BATF2: variants seen among roughly 807,000 people sequenced by gnomAD.
BATF2 encodes basic leucine zipper transcriptional factor ATF-like 2.
Under a neutral mutation model 7.3 loss-of-function variants are expected in BATF2, and 4 were observed. The ratio of observed to expected loss-of-function variants is 0.55; its 90% CI spans 0.27 to 1.26. The LOEUF (loss-of-function observed/expected upper bound fraction) is 1.26, where lower values mean the gene tolerates loss of function less well. Ranked by LOEUF, BATF2 falls within the 50% of genes most tolerant of loss-of-function variation. BATF2 has a pLI of 0.11. For missense variants in BATF2, 295 were observed against 340.5 expected (o/e 0.87, Z 1.05); for synonymous variants, 152 against 153.9 (o/e 0.99, Z 0.09).
chr11:64,990,014 G>A (rs1212052255), intron 2 of BATF2: 5 of 1,534,360 alleles, frequency 3.3e-6, no homozygotes, highest in South Asian at 1.2e-5. Context: ...CTCTGAAGGG[G>A]GCTCAGATCC....
intron 1 of BATF2, among the ~76,000 whole-genome samples, chr11:64,996,150 G>A (rs914736764): frequency 3.9e-5 from 6 of 152,012 alleles, no homozygotes; most frequent in South Asian, 2.1e-4. Flanking sequence ...TAATAGAGAC[G>A]GGGTTTCACC....
At chr11:64,994,891 G>C (rs113216878) in intron 1 of BATF2, among the ~76,000 whole-genome samples, 5,322 of 152,130 alleles carry the variant, frequency 0.035, 136 homozygotes, top group Middle Eastern at 0.061. Flanking sequence ...TGTTGCCCAG[G>C]CTGGAGTAGT....
rs770754201 is a variant in BATF2, at chr11:64,994,468, T to C, written c.121A>G (p.Lys41Glu). 2.0e-5 allele frequency: 32 copies of C among 1,593,748 alleles called. No homozygotes were observed. The highest frequency in any genetic ancestry group is 2.6e-5 in the Non-Finnish European group (31 of 1,170,106). Reference protein sequence around the residue: ...AQRSRQKHTDKADALHQQHES... With the variant: ...AQRSRQKHTDEADALHQQHES... ...CACACCTGGTGCAGGGCGTCTGCCT[T>C]GTCTGTGTGCTTCTGCCGGCTTCGC... Residue 41 changes from lysine (K) to glutamate (E), a missense_variant, in exon 2 of 3, where the codon AAG becomes GAG. By Grantham distance (56) the Lys-to-Glu change is moderately conservative (BLOSUM62 1). Coordinates refer to ENST00000301887, the MANE Select transcript of BATF2 (RefSeq NM_138456.4).
rs978185164 is a variant in BATF2, at chr11:64,988,394, G to A, written c.*735C>T. 5.9e-5 allele frequency: 9 copies of A among 152,290 alleles called. No individual in the cohort carries two copies. The highest frequency in any genetic ancestry group is 2.2e-4 in the African/African-American group (9 of 41,418). The allele number at this position is 152,290 out of a possible 1,614,324, so 9.4% of individuals were successfully genotyped here. On this transcript the variant is annotated 3_prime_UTR_variant, in exon 3 of 3. Transcript: ENST00000301887. ...CTTCTGCTGTGGCTTTAGGGGCAGT[G>A]GGGAGGCAGGGAGCTATTTGGGAAC... is the stretch of plus-strand genomic sequence containing the variant.
In BATF2 at chr11:64,988,951, T is replaced by A. The variant is rs1946046137; in HGVS notation, c.*178A>T. The A allele has an allele frequency of 1.6e-6, 1 of 625,788 alleles. No homozygotes were observed. Among genetic ancestry groups the A allele is most frequent in the East Asian group, 2.8e-5 (1 of 35,932 alleles). The allele number at this position is 625,788 out of a possible 1,614,324, so 38.8% of individuals were successfully genotyped here. A position where few individuals can be genotyped will look rare whatever the true frequency, so the allele number is the denominator to read the frequency against. On this transcript the variant is annotated 3_prime_UTR_variant, in exon 3 of 3. Coordinates refer to ENST00000301887, the MANE Select transcript of BATF2 (RefSeq NM_138456.4). The stretch of plus-strand genomic sequence containing the variant: ...CTGTGAGGTTGAAATAAGATATTGG[T>A]GGTGACAGGGCCTGTCACAGTGGGA...
Position 64,989,133 on chromosome 11 carries a change from A to G in BATF2, c.821T>C (p.Phe274Ser). ...FPLLSSAQVHF is the reference protein window; with the variant it reads ...FPLLSSAQVHS ...AACCCAGCTCCGAAGACCAGGTTAGAAGTGGACTTGAGCAGAGGAGAGCAG... is the reference window on the plus strand; with the variant it reads ...AACCCAGCTCCGAAGACCAGGTTAGGAGTGGACTTGAGCAGAGGAGAGCAG... The change falls in exon 3 of 3, where the codon TTC becomes TCC. Residue 274 changes from phenylalanine to serine, a missense_variant. Physicochemically the swap from Phe to Ser is radical, Grantham distance 155. Coordinates refer to ENST00000301887, the MANE Select transcript of BATF2 (RefSeq NM_138456.4). The surrounding 1 kb of genome is among the most constrained non-coding windows in gnomAD (Gnocchi z 4.3). 1 of 1,614,130 alleles carries G rather than the reference A, an allele frequency of 6.2e-7. No individual in the cohort carries two copies. The highest frequency in any genetic ancestry group is 8.5e-7 in the Non-Finnish European group (1 of 1,180,016).
At chr11:64,990,733 A>C in intron 2 of BATF2, 1 of 638,486 alleles carries the variant, frequency 1.6e-6, no homozygotes, top group Non-Finnish European at 1.9e-6. Flanking sequence ...TTTTCTGGAC[A>C]CTTTGAAAGA....
At position 64,988,446 on chromosome 11, in the gene BATF2, C is replaced by A. The variant is rs1315060433; in HGVS notation, c.*683G>T. The A allele has an allele frequency of 6.6e-6, 1 of 152,276 alleles. No individual in the cohort carries two copies. Among genetic ancestry groups the A allele is most frequent in the African/African-American group, 2.4e-5 (1 of 41,432 alleles). 9.4% of individuals were successfully genotyped at this position (152,276 alleles called of 1,614,324 possible). On this transcript the variant is annotated 3_prime_UTR_variant, in exon 3 of 3. Transcript: ENST00000301887. Reference sequence around the variant, plus strand: ...GCCTGGAAAGCTGACCCTGCAGAATCTCCCAGAAGCCTTGGTGTGGCTATG... The same window carrying A: ...GCCTGGAAAGCTGACCCTGCAGAATATCCCAGAAGCCTTGGTGTGGCTATG...
chr11:64,990,918 G>A (rs909203865), intron 2 of BATF2, among the ~76,000 whole-genome samples: 1 of 151,638 alleles, frequency 6.6e-6, no homozygotes, highest in Non-Finnish European at 1.5e-5. Flanking sequence ...AGCCTCCTGA[G>A]TAGCTGGGAC....
At chr11:64,996,446 G>A (rs1182197578) in intron 1 of BATF2, among the ~76,000 whole-genome samples, 2 of 152,056 alleles carry the variant, frequency 1.3e-5, no homozygotes, top group Non-Finnish European at 2.9e-5. Flanking sequence ...TAGTAGAGAC[G>A]GGGTTTCGCC....
chr11:64,990,075 T>C, intron 2 of BATF2: 1 of 1,536,266 alleles, frequency 6.5e-7, no homozygotes, highest in East Asian at 2.4e-5. Flanking sequence ...ATTTCTCACC[T>C]GGGATATGCA....
At position 64,988,728 on chromosome 11, in the gene BATF2, A is replaced by T. The variant is rs977667189; in HGVS notation, c.*401T>A. 1 of 246,110 alleles carries T rather than the reference A, an allele frequency of 4.1e-6. No individual in the cohort carries two copies. The highest frequency in any genetic ancestry group is 8.1e-6 in the Non-Finnish European group (1 of 123,776). The allele number at this position is 246,110 out of a possible 1,614,324, so 15.2% of individuals were successfully genotyped here. ...AGCCCTTCTCTGCTCTGAGCATGCA[A>T]ACCTTCTCACACCAGCCCACGGTTT... On this transcript the variant is annotated 3_prime_UTR_variant, in exon 3 of 3. Transcript: ENST00000301887.
chr11:64,990,380 C>A (rs1235061402), intron 2 of BATF2: 4 of 1,420,746 alleles, frequency 2.8e-6, no homozygotes, highest in Non-Finnish European at 2.8e-6. Flanking sequence ...CAAATCCCAA[C>A]AGGGCCTTCC....
Position 64,989,487 on chromosome 11 carries a change from A to G in BATF2, c.467T>C (p.Leu156Pro). 6.2e-7 allele frequency: 1 copy of G among 1,609,620 alleles called. No homozygotes were observed. ...PSLLQCPLPS[L>P]SLGPAVVAEP... ...AGCAACCACAGCGGGGCCAAGGGAC[A>G]GTGAGGGCAGGGGGCACTGGAGGAG... The change falls in exon 3 of 3, where the codon CTG (leucine) becomes CCG (proline). Residue 156 changes from leucine to proline, a missense_variant. Physicochemically the swap from Leu to Pro is moderately conservative, Grantham distance 98. Coordinates refer to ENST00000301887, the MANE Select transcript of BATF2 (RefSeq NM_138456.4). This position sits in a 1 kb window ranked among gnomAD's most constrained non-coding sequence, Gnocchi z 4.3.
chr11:64,996,727 C>A, intron 1 of BATF2, 149 bp downstream of exon 1: 1 of 919,366 alleles, frequency 1.1e-6, no homozygotes. Context: ...AAGTGAGACC[C>A]AGAGAGGGGC....
rs1565164203 is a variant in BATF2 at position 64,988,937 on chromosome 11, A to C, written c.*192T>G. On this transcript the variant is annotated 3_prime_UTR_variant, in exon 3 of 3. Coordinates refer to ENST00000301887, the MANE Select transcript of BATF2 (RefSeq NM_138456.4). ...ATTTCTCAGGTCAACTGTGAGGTTGAAATAAGATATTGGTGGTGACAGGGC... is the reference window on the plus strand; with the variant it reads ...ATTTCTCAGGTCAACTGTGAGGTTGCAATAAGATATTGGTGGTGACAGGGC... The C allele has an allele frequency of 1.6e-6, 1 of 608,860 alleles. No homozygotes were observed. The highest frequency in any genetic ancestry group is 2.8e-5 in the East Asian group (1 of 35,404). The allele number at this position is 608,860 out of a possible 1,614,324, so 37.7% of individuals were successfully genotyped here. A position where few individuals can be genotyped will look rare whatever the true frequency, so the allele number is the denominator to read the frequency against.
Position 64,988,435 on chromosome 11 carries a change from C to T in BATF2, c.*694G>A, listed in dbSNP as rs578122840. ...ATTTGGGAACAGCCTGGAAAGCTGA[C>T]CCTGCAGAATCTCCCAGAAGCCTTG... On this transcript the variant is annotated 3_prime_UTR_variant, in exon 3 of 3. Transcript: ENST00000301887. The T allele has an allele frequency of 3.9e-5, 6 of 152,320 alleles. No homozygotes were observed. Among genetic ancestry groups the T allele is most frequent in the African/African-American group, 1.4e-4 (6 of 41,526 alleles). 9.4% of individuals were successfully genotyped at this position (152,320 alleles called of 1,614,324 possible). A position where few individuals can be genotyped will look rare whatever the true frequency, so the allele number is the denominator to read the frequency against.
In BATF2 at chr11:64,989,724, A is replaced by G; in HGVS notation, c.230T>C (p.Leu77Pro). 1 of 1,614,012 alleles carries G rather than the reference A, an allele frequency of 6.2e-7. No individual in the cohort carries two copies. Reference protein sequence around the residue: ...QAELAWWSRTLHVHERLCPMD... With the variant: ...QAELAWWSRTPHVHERLCPMD... ...GGGGCACAGGCGCTCATGCACGTGC[A>G]GGGTCCGGCTCCACCACGCCAGCTC... Residue 77 changes from leucine to proline, a missense_variant, in exon 3 of 3, where the codon CTG becomes CCG. Transcript: ENST00000301887. This position sits in a 1 kb window ranked among gnomAD's most constrained non-coding sequence, Gnocchi z 4.3.
chr11:64,992,460 G>A (rs546680603), intron 2 of BATF2, among the ~76,000 whole-genome samples: 3 of 152,118 alleles, frequency 2.0e-5, no homozygotes, highest in South Asian at 2.1e-4. Flanking sequence ...CATAACCCCC[G>A]ATGTGATTGC....
Sources: gnomAD v4.1 joint callset for allele counts (sites outside exome capture counted in the v4.1 genomes callset) on GRCh38, gnomAD v4.1.1 for gene constraint, Gnocchi (gnomAD v3.1) non-coding constraint, MANE v1.5 for transcripts, NCBI Gene and HGNC (gene_info 2026-07-23, HGNC 2026-07-21) for gene names.